The following RAD51B variants were observed in gnomAD, a reference collection of about 807,000 sequenced individuals.
RAD51B encodes RAD51 paralog B, also known as DNA repair protein RAD51 homolog 2.
RAD51B carries 38 observed loss-of-function variants against 42.2 expected under a neutral mutation model. The ratio of observed to expected loss-of-function variants is 0.90; its 90% confidence interval spans 0.70 to 1.18. RAD51B has a LOEUF of 1.18. Ranked by LOEUF, RAD51B falls within the 50% of genes most tolerant of loss-of-function variation. RAD51B has a pLI of 0.00. For synonymous variants in RAD51B, 154 were observed against 145.2 expected, an observed-to-expected ratio of 1.06 and a Z score of -0.43; for missense variants, 373 against 400.7, an observed-to-expected ratio of 0.93 and a Z score of 0.59.
intron 7 of RAD51B, among the ~76,000 whole-genome samples, chr14:68,259,647 G>A (rs2080836109): frequency 6.6e-6 from 1 of 151,964 alleles, no homozygotes; most frequent in Non-Finnish European, 1.5e-5. Context: ...GTTATAAATG[G>A]CCATAATTTT....
chr14:68,012,137 G>A lies in RAD51B; in HGVS notation c.756+124933G>A, dbSNP rs920869241. 5.9e-5 allele frequency among the ~76,000 whole-genome samples: 9 copies of A among 151,892 alleles called. No homozygotes were observed. The South Asian group carries it at 1.0e-3, about 18-fold the overall frequency. On this transcript the variant is annotated intron_variant, in intron 7 of 10. Coordinates refer to ENST00000471583, the MANE Select transcript of RAD51B (RefSeq NM_133510.4). The stretch of plus-strand genomic sequence containing the variant: ...TTGTAATGGAAATAATGGATTCTTC[G>A]GTCTAGATTTTCATTTACTGACCTA...
At chr14:68,506,074 G>T (rs1566918104) in intron 10 of RAD51B, among the ~76,000 whole-genome samples, 1 of 152,066 alleles carries the variant, frequency 6.6e-6, no homozygotes, top group African/African-American at 2.4e-5. Flanking sequence ...TATGTGGCTG[G>T]GGCCTGCCAC....
chr14:68,659,896 A>G (rs1683047357), intron 11 of RAD51B, among the ~76,000 whole-genome samples: 1 of 152,188 alleles, frequency 6.6e-6, no homozygotes, highest in Non-Finnish European at 1.5e-5. Flanking sequence ...TGCAATGGGC[A>G]TTAGGGTGCA....
In RAD51B at chr14:68,010,519, T is replaced by C. The variant is rs2075667062; in HGVS notation, c.756+123315T>C. Among the ~76,000 whole-genome samples the C allele has an allele frequency of 2.0e-5, 3 of 151,836 alleles. No homozygotes were observed. The South Asian group carries it at 6.2e-4, about 31-fold the overall frequency. ...ACCCAATTTCTCCCTGTTTTTCTAA[T>C]ACAAATATATAAGATTTTAGAGTAA... On this transcript the variant is annotated intron_variant, in intron 7 of 10. Coordinates refer to ENST00000471583, the MANE Select transcript of RAD51B (RefSeq NM_133510.4).
chr14:68,445,538 A>G (rs930936127), intron 9 of RAD51B, among the ~76,000 whole-genome samples: 2 of 152,210 alleles, frequency 1.3e-5, no homozygotes, highest in Non-Finnish European at 2.9e-5. Flanking sequence ...TCAATCCCAA[A>G]GAGATTAATT....
At chr14:67,873,259 C>T (rs576186372) in intron 5 of RAD51B, among the ~76,000 whole-genome samples, 1 of 152,058 alleles carries the variant, frequency 6.6e-6, no homozygotes, top group Non-Finnish European at 1.5e-5. Flanking sequence ...ACAAACAACC[C>T]CATCAAAAAG....
chr14:67,909,617 T>C (rs1194151572), intron 7 of RAD51B, among the ~76,000 whole-genome samples: 1 of 152,156 alleles, frequency 6.6e-6, no homozygotes, highest in Non-Finnish European at 1.5e-5. Context: ...AAATGCTGTG[T>C]AGTCACTAAA....
intron 7 of RAD51B, among the ~76,000 whole-genome samples, chr14:68,015,485 G>A (rs1430996893): frequency 6.6e-6 from 1 of 152,156 alleles, no homozygotes; most frequent in African/African-American, 2.4e-5. Context: ...CACATGGCTG[G>A]GAGGCTTCAT....
At chr14:68,456,923 C>CTTTTTTTTTTTTTTTTTTT (rs1176116647) in intron 9 of RAD51B, among the ~76,000 whole-genome samples, 30 of 60,582 alleles carry the variant, frequency 5.0e-4, no homozygotes, top group Non-Finnish European at 5.4e-4. Context: ...TTTTTTTTTG[C>CTTTTTTTTTTTTTTTTTTT]TTTTTTTGAG....
intron 7 of RAD51B, among the ~76,000 whole-genome samples, chr14:68,081,021 A>G (rs891981174): frequency 6.6e-6 from 1 of 152,158 alleles, no homozygotes; most frequent in African/African-American, 2.4e-5. Context: ...GTCCAGTGAG[A>G]GCAAGCACTT....
chr14:68,421,764 G>A lies in RAD51B; in HGVS notation c.957+10237G>A, dbSNP rs2084706716. 8.1e-6 allele frequency: 13 copies of A among 1,597,828 alleles called. No homozygotes were observed. In the South Asian group the frequency reaches 1.4e-4, roughly 18 times the overall value. ...TGGTCTTGCCATTCCTGGACCCAAA[G>A]CACTCCATGCCTCCACAATATTCGT... On this transcript the variant is annotated intron_variant, in intron 9 of 10. Coordinates refer to ENST00000471583, the MANE Select transcript of RAD51B (RefSeq NM_133510.4).
chr14:68,024,006 C>A (rs1319196527), intron 7 of RAD51B, among the ~76,000 whole-genome samples: 1 of 151,966 alleles, frequency 6.6e-6, no homozygotes, highest in African/African-American at 2.4e-5. Flanking sequence ...TTTAATCTAC[C>A]CTGAGTTAAT....
intron 7 of RAD51B, among the ~76,000 whole-genome samples, chr14:68,112,921 TAGAC>T (rs2077482115): frequency 6.6e-6 from 1 of 152,270 alleles, no homozygotes; most frequent in African/African-American, 2.4e-5. Flanking sequence ...TTTATATAAT[TAGAC>T]AGTGTTTTCC....
chr14:68,495,483 G>A (rs1459136768), intron 10 of RAD51B, among the ~76,000 whole-genome samples: 1 of 152,222 alleles, frequency 6.6e-6, no homozygotes, highest in Non-Finnish European at 1.5e-5. Flanking sequence ...GAAGGCAGGG[G>A]GCTGGGTCTC....
intron 7 of RAD51B, among the ~76,000 whole-genome samples, chr14:68,223,149 T>A (rs867925655): frequency 6.6e-6 from 1 of 152,340 alleles, no homozygotes; most frequent in Middle Eastern, 3.4e-3. Context: ...CTCAGTTGCC[T>A]AAATCACAAT....
intron 7 of RAD51B, among the ~76,000 whole-genome samples, chr14:67,906,871 AC>A (rs1422551300): frequency 2.6e-5 from 4 of 151,552 alleles, no homozygotes; most frequent in African/African-American, 9.7e-5. Flanking sequence ...GTGCAATGGC[AC>A]CATCTCAGCT....
chr14:68,374,692 T>C (rs1367192940), intron 8 of RAD51B, among the ~76,000 whole-genome samples: 3 of 150,936 alleles, frequency 2.0e-5, no homozygotes, highest in Non-Finnish European at 4.4e-5. Context: ...TCATTATAGA[T>C]GTGTCACACT....
chr14:68,072,835 A>G (rs1209446980), intron 7 of RAD51B, among the ~76,000 whole-genome samples: 1 of 152,102 alleles, frequency 6.6e-6, no homozygotes, highest in Non-Finnish European at 1.5e-5. Flanking sequence ...ATTTAATTGT[A>G]TGGTTCTGAG....
At chr14:67,952,590 G>T (rs1055079734) in intron 7 of RAD51B, among the ~76,000 whole-genome samples, 20 of 151,598 alleles carry the variant, frequency 1.3e-4, no homozygotes, top group Admixed American at 1.3e-4. Flanking sequence ...TGCTATAGCT[G>T]CTTTCTTCAA....
Sources: gnomAD v4.1 joint callset for allele counts (sites outside exome capture counted in the v4.1 genomes callset) on GRCh38, gnomAD v4.1.1 for gene constraint, MANE v1.5 for transcripts, NCBI Gene and HGNC (gene_info 2026-07-23, HGNC 2026-07-21) for gene names.